The following NCK2 variants were observed in gnomAD, a reference collection of about 807,000 sequenced individuals.
NCK2 encodes the protein NCK adaptor protein 2.
A neutral mutation model predicts 33.9 loss-of-function variants in NCK2; 16 were observed. That is an observed-to-expected ratio of 0.47 (90% CI 0.32 to 0.72). The LOEUF (loss-of-function observed/expected upper bound fraction) is 0.72, where lower values mean the gene tolerates loss of function less well. Ranked by LOEUF, NCK2 falls within the 30% of genes least tolerant of loss-of-function variation. The pLI is 0.03. For missense variants in NCK2, 418 were observed against 537.3 expected, an observed-to-expected ratio of 0.78 and a Z score of 2.19; for synonymous variants, 273 against 239.9, an observed-to-expected ratio of 1.14 and a Z score of -1.27.
At chr2:105,858,444 T>A (rs1162549649) in intron 3 of NCK2, among the ~76,000 whole-genome samples, 1 of 152,170 alleles carries the variant, frequency 6.6e-6, no homozygotes, top group Admixed American at 6.5e-5. Flanking sequence ...AGACAGGATT[T>A]TGCCATGTTG....
intron 1 of NCK2, among the ~76,000 whole-genome samples, chr2:105,761,917 T>C (rs1689777103): frequency 6.6e-6 from 1 of 152,228 alleles, no homozygotes; most frequent in Non-Finnish European, 1.5e-5. Context: ...TTGAACATTA[T>C]TTTCTTTTCA....
At chr2:105,866,182 G>A (rs1677744947) in intron 3 of NCK2, among the ~76,000 whole-genome samples, 2 of 152,136 alleles carry the variant, frequency 1.3e-5, no homozygotes, top group African/African-American at 2.4e-5. Context: ...CCAAAGTGCC[G>A]GGATTACAGG....
intron 3 of NCK2, among the ~76,000 whole-genome samples, chr2:105,873,675 C>T (rs1678116271): frequency 6.6e-6 from 1 of 151,940 alleles, no homozygotes; most frequent in African/African-American, 2.4e-5. Flanking sequence ...TTTGGGGGCT[C>T]TTAATTGAAG....
chr2:105,893,580 GGCCCCAGTCCTA>G lies in NCK2; in HGVS notation c.*407_*418del. ...GCGTGCTGGGCAGAGCAGGTGCGAT[GGCCCCAGTCCTA>G]GCAGCCCTCGCCCATGTCCTGTGCC... On this transcript the variant is annotated 3_prime_UTR_variant, in exon 5 of 5. Transcript: ENST00000233154. The G allele has an allele frequency of 4.9e-6, 1 of 204,034 alleles. No homozygotes were observed. The highest frequency in any genetic ancestry group is 9.6e-5 in the South Asian group (1 of 10,466). 12.6% of individuals were successfully genotyped at this position (204,034 alleles called of 1,614,324 possible).
intron 4 of NCK2, among the ~76,000 whole-genome samples, chr2:105,890,499 G>A (rs1678924209): frequency 6.6e-6 from 1 of 152,174 alleles, no homozygotes; most frequent in African/African-American, 2.4e-5. Context: ...ATCATCTATA[G>A]GCTGAGGCCT....
At chr2:105,877,025 C>T (rs1310605214) in intron 3 of NCK2, among the ~76,000 whole-genome samples, 2 of 152,168 alleles carry the variant, frequency 1.3e-5, no homozygotes, top group Admixed American at 6.5e-5. Context: ...GGCGGGGTCA[C>T]AGCTCCAGGT....
chr2:105,779,196 A>G (rs1012199596), intron 1 of NCK2, among the ~76,000 whole-genome samples: 2 of 149,984 alleles, frequency 1.3e-5, no homozygotes, highest in Non-Finnish European at 3.0e-5. Flanking sequence ...AGTCCTAGCT[A>G]CTCTGGAGGC....
In NCK2 at chr2:105,894,015, ACACAC is replaced by A; in HGVS notation, c.*840_*844del. ...CACACACGTGCACACACACACACAC[ACACAC>A]TATATATATATATATTATTTACAGG... On this transcript the variant is annotated 3_prime_UTR_variant, in exon 5 of 5. Coordinates refer to ENST00000233154, the MANE Select transcript of NCK2 (RefSeq NM_003581.5). The A allele has an allele frequency of 7.2e-6, 1 of 139,188 alleles. No individual in the cohort carries two copies. The highest frequency in any genetic ancestry group is 2.6e-5 in the African/African-American group (1 of 38,894). 8.6% of individuals were successfully genotyped at this position (139,188 alleles called of 1,614,324 possible).
At chr2:105,856,695 A>G (rs879671269) in intron 3 of NCK2, 3 of 152,242 alleles carry the variant, frequency 2.0e-5, no homozygotes, top group Non-Finnish European at 4.4e-5. Context: ...TAAGTGAGAC[A>G]TGGAACTTCG....
At chr2:105,811,279 A>G (rs1402409818) in intron 1 of NCK2, among the ~76,000 whole-genome samples, 2 of 152,130 alleles carry the variant, frequency 1.3e-5, no homozygotes, top group Admixed American at 6.5e-5. Flanking sequence ...TCCCAAAGAT[A>G]TAGGATTGGA....
intron 1 of NCK2, among the ~76,000 whole-genome samples, chr2:105,782,325 G>T (rs1238153407): frequency 2.0e-5 from 3 of 152,156 alleles, no homozygotes; most frequent in East Asian, 1.9e-4. Context: ...AGCCCATGGG[G>T]ATTAGTGATC....
chr2:105,803,459 T>C (rs1353102080), intron 1 of NCK2, among the ~76,000 whole-genome samples: 1 of 152,248 alleles, frequency 6.6e-6, no homozygotes, highest in Non-Finnish European at 1.5e-5. Context: ...GTGCAATACA[T>C]TTTCATTGAA....
intron 1 of NCK2, among the ~76,000 whole-genome samples, chr2:105,792,141 C>T (rs905902125): frequency 6.6e-6 from 1 of 152,162 alleles, no homozygotes; most frequent in African/African-American, 2.4e-5. Flanking sequence ...TGACCCGCTC[C>T]ATGCCCTAGG....
chr2:105,856,318 GC>G (rs1439747561), intron 3 of NCK2, among the ~76,000 whole-genome samples: 1 of 92,900 alleles, frequency 1.1e-5, no homozygotes, highest in African/African-American at 4.7e-5. Context: ...ACTCATCTGA[GC>G]TGACATTTAA....
rs1558861816 is a variant in NCK2 at position 105,835,388 on chromosome 2, C to CATATATATATACATATATATATGTATGT, written c.-17+18786_-17+18787insCATATATATATGTATGTATATATATATA. On this transcript the variant is annotated intron_variant, in intron 2 of 4. Transcript: ENST00000233154. ...TTATATATATATACATATATATACA[C>CATATATATATACATATATATATGTATGT]ATATATATATATATATACGTGTATA... 4.7e-3 allele frequency among the ~76,000 whole-genome samples: 243 copies of CATATATATATACATATATATATGTATGT among 52,050 alleles called. 5 individuals carry two copies. Among genetic ancestry groups the CATATATATATACATATATATATGTATGT allele is most frequent in the East Asian group, 0.025 (40 of 1,608 alleles). The allele number at this position is 52,050 out of a possible 152,430, so 34.1% of individuals were successfully genotyped here.
At chr2:105,826,743 G>A (rs142200204) in intron 2 of NCK2, among the ~76,000 whole-genome samples, 1 of 152,012 alleles carries the variant, frequency 6.6e-6, no homozygotes, top group East Asian at 1.9e-4. Flanking sequence ...CCTTTCCTCT[G>A]AGCAGCTTCC....
At chr2:105,822,532 AC>A (rs1361191003) in intron 2 of NCK2, among the ~76,000 whole-genome samples, 1 of 152,014 alleles carries the variant, frequency 6.6e-6, no homozygotes, top group Non-Finnish European at 1.5e-5. Flanking sequence ...TTGTGATTTA[AC>A]GTTCTTGCAT....
chr2:105,838,102 C>CTTT (rs34631040), intron 2 of NCK2, among the ~76,000 whole-genome samples: 1 of 147,600 alleles, frequency 6.8e-6, no homozygotes, highest in Non-Finnish European at 1.5e-5. Flanking sequence ...TAGAACAGTC[C>CTTT]TTTTTTTTTT....
chr2:105,892,027 T>C (rs1399979677), intron 4 of NCK2, among the ~76,000 whole-genome samples: 1 of 152,138 alleles, frequency 6.6e-6, no homozygotes, highest in Non-Finnish European at 1.5e-5. Context: ...GCTGTTCATA[T>C]TTTTAAATGC....
Sources: allele counts gnomAD v4.1 joint callset (sites outside exome capture counted in the v4.1 genomes callset), GRCh38; gene constraint gnomAD v4.1.1; transcripts MANE v1.5; gene names NCBI Gene and HGNC (gene_info 2026-07-23, HGNC 2026-07-21).